Variants in SART3 observed in about 807,000 individuals in gnomAD.
SART3 encodes spliceosome associated factor 3, U4/U6 recycling protein, also known as HIV-1 Tat-interacting protein of 110kDa.
In SART3, 44 loss-of-function variants were observed where a neutral mutation model predicts 122.3. The observed-to-expected ratio is 0.36, with a 90% CI of 0.28 to 0.46. The LOEUF (loss-of-function observed/expected upper bound fraction) is 0.46, where lower values mean the gene tolerates loss of function less well. Ranked by LOEUF, SART3 falls within the 20% of genes least tolerant of loss-of-function variation. The pLI, the probability that SART3 is intolerant of heterozygous loss-of-function variation, is 1.00. For missense variants in SART3, 1,101 were observed against 1,229.0 expected, an observed-to-expected ratio of 0.90 and a Z score of 1.56; for synonymous variants, 442 against 454.0, an observed-to-expected ratio of 0.97 and a Z score of 0.34.
chr12:108,552,004 T>C (rs1011242902), intron 1 of SART3, among the ~76,000 whole-genome samples: 1 of 152,208 alleles, frequency 6.6e-6, no homozygotes, highest in African/African-American at 2.4e-5. Flanking sequence ...TTATACACCA[T>C]GACCAAGTGG....
intron 4 of SART3, 131 bp downstream of exon 4, chr12:108,545,008 G>T: frequency 1.1e-6 from 1 of 939,610 alleles, no homozygotes; most frequent in Non-Finnish European, 1.8e-6. Flanking sequence ...ACCACTAAGG[G>T]ATTGGCAAAG....
Position 108,526,475 on chromosome 12 carries a change from C to T in SART3, c.1994G>A (p.Gly665Glu). The T allele has an allele frequency of 6.2e-7, 1 of 1,614,174 alleles. No homozygotes were observed. The highest frequency in any genetic ancestry group is 8.5e-7 in the Non-Finnish European group (1 of 1,180,042). ...GETQNVEVAA[G>E]PAGKCAAVDV... ...TACGGCAGCACATTTCCCAGCGGGC[C>T]CTGCTGCTACTTCTACATTTTGTGT... Residue 665 changes from glycine (G) to glutamate (E), a missense_variant, in exon 16 of 19, where the codon GGG becomes GAG. Around this residue, in one of 2 missense-constraint regions of SART3, gnomAD observed 885 missense variants for 1,080.1 expected, o/e 0.82. Coordinates refer to ENST00000546815, the MANE Select transcript of SART3 (RefSeq NM_014706.4).
intron 1 of SART3, among the ~76,000 whole-genome samples, chr12:108,553,140 T>A (rs1012363502): frequency 6.6e-6 from 1 of 152,088 alleles, no homozygotes; most frequent in Non-Finnish European, 1.5e-5. Flanking sequence ...AACAAATAAA[T>A]ACACCTTGAC....
At chr12:108,545,062 T>C (rs1592768877) in intron 4 of SART3, 77 bp downstream of exon 4, 4 of 1,356,374 alleles carry the variant, frequency 2.9e-6, no homozygotes, top group Admixed American at 1.7e-5. Flanking sequence ...ATCATGGACA[T>C]GTGTTTCAAA....
In SART3 at chr12:108,525,516, T is replaced by C. The variant is rs755938014; in HGVS notation, c.2464A>G (p.Lys822Glu). The C allele has an allele frequency of 5.0e-6, 8 of 1,614,044 alleles. No individual in the cohort carries two copies. In the African/African-American group the frequency reaches 8.0e-5, roughly 16 times the overall value. Residue 822 changes from lysine to glutamate, a missense_variant, in exon 17 of 19, where the codon AAG (lysine) becomes GAG (glutamate). Lys to Glu is a moderately conservative substitution (Grantham distance 56, BLOSUM62 1). Around this residue, in one of 2 missense-constraint regions of SART3, gnomAD observed 885 missense variants for 1,080.1 expected, o/e 0.82. Transcript: ENST00000546815. Reference protein sequence around the residue: ...CTKEELEEICKAHGTVKDLRL... With the variant: ...CTKEELEEICEAHGTVKDLRL... ...AGGTCCTTCACGGTGCCATGAGCCT[T>C]ACAGATTTCTTCTAGTTCCTCTTTA... is the stretch of plus-strand genomic sequence containing the variant.
intron 6 of SART3, 139 bp downstream of exon 6, chr12:108,542,888 AG>A (rs775286363): frequency 1.1e-5 from 12 of 1,139,576 alleles, no homozygotes; most frequent in Non-Finnish European, 1.6e-5. Context: ...CTTTATTATT[AG>A]TATGTAAACT....
chr12:108,526,903 T>C (rs1206414754), intron 15 of SART3, among the ~76,000 whole-genome samples: 3 of 152,316 alleles, frequency 2.0e-5, no homozygotes, highest in East Asian at 1.9e-4. Flanking sequence ...AGGGTTGGGA[T>C]AGGACATGAG....
chr12:108,557,218 T>G (rs1233903154), intron 1 of SART3, among the ~76,000 whole-genome samples: 11 of 144,432 alleles, frequency 7.6e-5, no homozygotes, highest in African/African-American at 1.8e-4. Context: ...TTTTTTTTTT[T>G]TTTTTTTTTT....
intron 1 of SART3, among the ~76,000 whole-genome samples, chr12:108,558,559 T>TA (rs1870437110): frequency 6.6e-6 from 1 of 152,130 alleles, no homozygotes; most frequent in Non-Finnish European, 1.5e-5. Flanking sequence ...ACCAAGGACT[T>TA]AACCTCTCTG....
At chr12:108,548,973 C>A in intron 2 of SART3, 115 bp downstream of exon 2, 1 of 1,512,006 alleles carries the variant, frequency 6.6e-7, no homozygotes, top group Non-Finnish European at 9.1e-7. Context: ...TTTCTTCTTT[C>A]CACTACACTG....
At position 108,532,018 on chromosome 12, in the gene SART3, C is replaced by G. The variant is rs1003045230; in HGVS notation, c.1669+204G>C. ...AGAACCCTGTGCTACAGTGACATCA[C>G]AGAGTCCTCCTTGTAGCTGCAGAAT... On this transcript the variant is annotated intron_variant, in intron 13 of 18. Coordinates refer to ENST00000546815, the MANE Select transcript of SART3 (RefSeq NM_014706.4). The G allele has an allele frequency of 1.8e-4, 106 of 581,192 alleles. 1 individual carries two copies. The South Asian group carries it at 1.8e-3, about 10-fold the overall frequency. 36.0% of individuals were successfully genotyped at this position (581,192 alleles called of 1,614,324 possible).
In SART3 at chr12:108,560,871, T is replaced by C. The variant is rs755175271; in HGVS notation, c.284A>G (p.Gln95Arg). Residue 95 changes from glutamine (Q) to arginine (R), a missense_variant, in exon 1 of 19, where the codon CAG (glutamine) becomes CGG (arginine). By Grantham distance (43) the Gln-to-Arg change is conservative. Transcript: ENST00000546815. ...CTCCTCCAGTCTCTCAATCTCCAGC[T>C]GGTTTTTCTCCTCCTCTTCGTCATA... ...WEYDEEEEKN[Q>R]LEIERLEEQL... is the part of the protein sequence containing the mutation. 7 of 1,602,966 alleles carry C rather than the reference T, an allele frequency of 4.4e-6. No homozygotes were observed. Among genetic ancestry groups the C allele is most frequent in the Non-Finnish European group, 5.1e-6 (6 of 1,171,774 alleles).
At chr12:108,527,398 C>A (rs1872433055) in intron 15 of SART3, among the ~76,000 whole-genome samples, 1 of 152,226 alleles carries the variant, frequency 6.6e-6, no homozygotes, top group Admixed American at 6.5e-5. Flanking sequence ...CTTCTCGCTG[C>A]CACAGTCACT....
chr12:108,548,737 C>T (rs1873546449), intron 2 of SART3, among the ~76,000 whole-genome samples: 1 of 152,164 alleles, frequency 6.6e-6, no homozygotes, highest in African/African-American at 2.4e-5. Context: ...AAAAAACTGT[C>T]TGTAAAAGTT....
chr12:108,539,638 T>C (rs895260597), intron 6 of SART3, among the ~76,000 whole-genome samples: 11 of 152,228 alleles, frequency 7.2e-5, no homozygotes, highest in Admixed American at 5.9e-4. Context: ...TTCGACATGT[T>C]TTCTCTTCAG....
At position 108,527,044 on chromosome 12, in the gene SART3, C is replaced by A. The variant is rs186062548; in HGVS notation, c.1916-491G>T. On this transcript the variant is annotated intron_variant, in intron 15 of 18. Transcript: ENST00000546815. ...GCCTTGTGTCCTTAAGAGAGCTTAA[C>A]CACAATCTTCTACTGCAGTCTGTCC... 9.7e-4 allele frequency among the ~76,000 whole-genome samples: 147 copies of A among 152,324 alleles called. 1 individual carries two copies. Among genetic ancestry groups the A allele is most frequent in the African/African-American group, 3.5e-3 (145 of 41,566 alleles).
chr12:108,560,768 G>C (rs747255033), intron 1 of SART3, 75 bp downstream of exon 1: 2 of 1,364,564 alleles, frequency 1.5e-6, no homozygotes, highest in Admixed American at 2.4e-5. Context: ...CCGAGGACTA[G>C]GGAGGCGGGC....
intron 13 of SART3, chr12:108,531,964 A>G (rs1352643397): frequency 2.2e-6 from 1 of 452,764 alleles, no homozygotes; most frequent in Middle Eastern, 6.6e-4. Flanking sequence ...TAAACATTGT[A>G]TAACGCACAG....
Position 108,526,384 on chromosome 12 carries a change from C to A in SART3, c.2085G>T (p.Val695=), listed in dbSNP as rs780398932. 14 of 1,613,984 alleles carry A rather than the reference C, an allele frequency of 8.7e-6. No individual in the cohort carries two copies. The South Asian group carries it at 9.9e-5, about 11-fold the overall frequency. The change falls in exon 16 of 19, where the codon GTG becomes GTT. Residue 695 remains valine (V), a synonymous_variant. Coordinates refer to ENST00000546815, the MANE Select transcript of SART3 (RefSeq NM_014706.4). ...TGCTGTCCTTGCTGCTGTCGTGCAG[C>A]ACCTTGGGCATGTCCCTCTTCAGGG... ...AASLKRDMPK[V]LHDSSKDSIT... is the part of the protein sequence containing the mutation.
Sources: allele counts gnomAD v4.1 joint callset (sites outside exome capture counted in the v4.1 genomes callset), GRCh38; gene constraint gnomAD v4.1.1; regional missense constraint gnomAD v4.1.1; transcripts MANE v1.5; gene names NCBI Gene and HGNC (gene_info 2026-07-23, HGNC 2026-07-21).